ARHGAP9: variants seen among roughly 807,000 people sequenced by gnomAD.
ARHGAP9 encodes the protein Rho GTPase activating protein 9.
In ARHGAP9, 76 loss-of-function variants were observed where a neutral mutation model predicts 87.3. The observed-to-expected ratio is 0.87, with a 90% CI of 0.72 to 1.05. ARHGAP9 has a LOEUF of 1.05. ARHGAP9 is among the 50% of genes least tolerant of loss of function. The pLI, the probability that ARHGAP9 is intolerant of heterozygous loss-of-function variation, is 0.00. For missense variants in ARHGAP9, 941 were observed against 960.5 expected, an observed-to-expected ratio of 0.98 and a Z score of 0.27; for synonymous variants, 382 against 394.9, an observed-to-expected ratio of 0.97 and a Z score of 0.39.
At chr12:57,477,304 A>G (rs1348146122) in intron 4 of ARHGAP9, 35 bp from the exon 5 acceptor site, 3 of 1,530,852 alleles carry the variant, frequency 2.0e-6, no homozygotes, top group Non-Finnish European at 2.6e-6. Flanking sequence ...AGCTACATCC[A>G]GATGCCACCT....
intron 1 of ARHGAP9, chr12:57,487,223 C>T (rs935880918): frequency 1.3e-5 from 2 of 151,858 alleles, no homozygotes; most frequent in African/African-American, 4.8e-5. Flanking sequence ...GTGATCCGCC[C>T]GCCTCGACTC....
chr12:57,479,762 G>A lies in ARHGAP9; in HGVS notation c.-51C>T. The A allele has an allele frequency of 3.9e-6, 6 of 1,550,646 alleles. No individual in the cohort carries two copies. The highest frequency in any genetic ancestry group is 5.2e-6 in the Non-Finnish European group (6 of 1,146,968). On this transcript the variant is annotated 5_prime_UTR_variant, in exon 1 of 18. Coordinates refer to ENST00000393791, the MANE Select transcript of ARHGAP9 (RefSeq NM_032496.4). The stretch of plus-strand genomic sequence containing the variant: ...GGCCCATCAGAAGATTCAGGAGCAG[G>A]AGTTGGTCCTGGGTAGTGGTGGGAG...
intron 4 of ARHGAP9, 26 bp downstream of exon 4, chr12:57,477,433 T>C (rs1874166566): frequency 1.2e-6 from 2 of 1,610,838 alleles, no homozygotes; most frequent in Non-Finnish European, 1.7e-6. Flanking sequence ...GAGGGGACAG[T>C]GGAGAAGCAG....
chr12:57,477,896 T>G, intron 3 of ARHGAP9: 3 of 1,344,574 alleles, frequency 2.2e-6, no homozygotes, highest in Non-Finnish European at 2.9e-6. Flanking sequence ...CCTCACTTCC[T>G]GTTGCCAACT....
intron 17 of ARHGAP9, 23 bp downstream of exon 17, chr12:57,473,580 C>G: frequency 6.3e-7 from 1 of 1,597,044 alleles, no homozygotes; most frequent in Non-Finnish European, 8.6e-7. Flanking sequence ...CCAGCATGAA[C>G]AAAGAGGTTC....
rs202031620 is a variant in ARHGAP9 at position 57,473,677 on chromosome 12, C to T, written c.1950G>A (p.Gln650=). ...ALSESEQCLS[Q]IQELIGSMPK... ...GCATTGAGCCTATTAATTCTTGTAT[C>T]TGAGAGAGGCACTGCTCTGATTCGG... is the stretch of plus-strand genomic sequence containing the variant. The change falls in exon 17 of 18, where the codon CAG becomes CAA. Residue 650 remains glutamine (Q), a synonymous_variant. Coordinates refer to ENST00000393791, the MANE Select transcript of ARHGAP9 (RefSeq NM_032496.4). 1 of 1,613,968 alleles carries T rather than the reference C, an allele frequency of 6.2e-7. No homozygotes were observed. The highest frequency in any genetic ancestry group is 1.1e-5 in the South Asian group (1 of 91,084).
chr12:57,472,482 A>G lies in ARHGAP9; in HGVS notation c.*35T>C, dbSNP rs373508484. 9.8e-5 allele frequency: 157 copies of G among 1,607,066 alleles called. 3 individuals are homozygous for G. In the East Asian group the frequency reaches 1.6e-3, roughly 17 times the overall value. On this transcript the variant is annotated 3_prime_UTR_variant, in exon 18 of 18. Transcript: ENST00000393791. ...CACCAGCCTCTCACCACCAGAGATG[A>G]CCGGAAATATGTTTTCTCTTCTTCC...
Position 57,479,297 on chromosome 12 carries a change from C to T in ARHGAP9, c.110G>A (p.Gly37Glu), listed in dbSNP as rs374776900. 6.2e-6 allele frequency: 10 copies of T among 1,614,064 alleles called. No homozygotes were observed. The highest frequency in any genetic ancestry group is 8.5e-6 in the Non-Finnish European group (10 of 1,180,042). Reference sequence around the variant, plus strand: ...CAGAGACACCTGCTGGCCATCTGCCCCAGTATAAGTAAAGGCATAGAGGGC... The same window carrying T: ...CAGAGACACCTGCTGGCCATCTGCCTCAGTATAAGTAAAGGCATAGAGGGC... ...LCALYAFTYT[G>E]ADGQQVSLAE... The change falls in exon 2 of 18, where the codon GGG becomes GAG. Residue 37 changes from glycine (G) to glutamate (E), a missense_variant. Coordinates refer to ENST00000393791, the MANE Select transcript of ARHGAP9 (RefSeq NM_032496.4).
At position 57,474,067 on chromosome 12, in the gene ARHGAP9, C is replaced by T. The variant is rs1872732821; in HGVS notation, c.1893G>A (p.Leu631=). Reference sequence around the variant, plus strand: ...CAAGGGCAGCACGGAAATGGGGCAGCAGCAGTGGTGGCACCAGAGGCTGGG... The same window carrying T: ...CAAGGGCAGCACGGAAATGGGGCAGTAGCAGTGGTGGCACCAGAGGCTGGG... ...ELPQPLVPPL[L]LPHFRAALAL... Residue 631 remains leucine, a synonymous_variant, in exon 16 of 18, where the codon CTG becomes CTA. Coordinates refer to ENST00000393791, the MANE Select transcript of ARHGAP9 (RefSeq NM_032496.4). 1 of 1,614,006 alleles carries T rather than the reference C, an allele frequency of 6.2e-7. No homozygotes were observed. Among genetic ancestry groups the T allele is most frequent in the Non-Finnish European group, 8.5e-7 (1 of 1,179,936 alleles).
In ARHGAP9 at chr12:57,476,415, G is replaced by A. The variant is rs551295802; in HGVS notation, c.1065C>T (p.Asn355=). ...GTGGCTCTCGGTAGAACACCAGGCTGTTACCCGTTAACACCACCCAAGACG... is the reference window on the plus strand; with the variant it reads ...GTGGCTCTCGGTAGAACACCAGGCTATTACCCGTTAACACCACCCAAGACG... ...WGPSWVVLTG[N]SLVFYREPPP... Residue 355 remains asparagine, a synonymous_variant, in exon 8 of 18, where the codon AAC becomes AAT. Transcript: ENST00000393791. The A allele has an allele frequency of 9.3e-6, 15 of 1,614,116 alleles. No homozygotes were observed. In the Admixed American group the frequency reaches 2.5e-4, roughly 27 times the overall value.
intron 1 of ARHGAP9, among the ~76,000 whole-genome samples, chr12:57,486,506 G>C (rs543568053): frequency 7.7e-4 from 116 of 151,386 alleles, no homozygotes; most frequent in African/African-American, 2.7e-3. Context: ...CTGACCTCAA[G>C]TCATCTGCTC....
rs1872114089 is a variant in ARHGAP9, at chr12:57,472,360, T to A, written c.*157A>T. ...GGGTTAATCCACTCACTTTCCTCTT[T>A]AGAGAAGCTCCCTCACCCATCCCAA... On this transcript the variant is annotated 3_prime_UTR_variant, in exon 18 of 18. Coordinates refer to ENST00000393791, the MANE Select transcript of ARHGAP9 (RefSeq NM_032496.4). 1 of 906,148 alleles carries A rather than the reference T, an allele frequency of 1.1e-6. No individual in the cohort carries two copies. Among genetic ancestry groups the A allele is most frequent in the Admixed American group, 3.1e-5 (1 of 32,208 alleles). The allele number at this position is 906,148 out of a possible 1,614,324, so 56.1% of individuals were successfully genotyped here.
chr12:57,488,176 T>C lies in ARHGAP9; in HGVS notation c.-204+436A>G, dbSNP rs369180672. On this transcript the variant is annotated intron_variant, in intron 1 of 20. Transcript: ENST00000393797. ...AGAGCCCGGGGCAGAGCAGAGGTGC[T>C]CATCAGCACTGTAGGCCCGGAAGGT... The C allele has an allele frequency of 5.6e-6, 9 of 1,613,892 alleles. No homozygotes were observed. Among genetic ancestry groups the C allele is most frequent in the Non-Finnish European group, 7.6e-6 (9 of 1,179,894 alleles).
intron 3 of ARHGAP9, chr12:57,478,094 G>T: frequency 3.7e-6 from 2 of 546,118 alleles, no homozygotes; most frequent in South Asian, 2.4e-5. Context: ...AGAGGGAAGG[G>T]CTGGGCAAGT....
rs1872753783 is a variant in ARHGAP9, at chr12:57,474,134, T to A, written c.1826A>T (p.His609Leu). ...AAGCTTCAGGGCTCCGGTGACCACA[T>A]GAATGTCATCCCACTCAGTACTGTC... ...DLDSTEWDDI[H>L]VVTGALKLFL... Residue 609 changes from histidine to leucine, a missense_variant, in exon 16 of 18, where the codon CAT becomes CTT. Physicochemically the swap from His to Leu is moderately conservative, Grantham distance 99 (BLOSUM62 -3). Transcript: ENST00000393791. 1 of 1,614,154 alleles carries A rather than the reference T, an allele frequency of 6.2e-7. No homozygotes were observed. Among genetic ancestry groups the A allele is most frequent in the Non-Finnish European group, 8.5e-7 (1 of 1,180,018 alleles).
rs747912296 is a variant in ARHGAP9 at position 57,477,423 on chromosome 12, G to C, written c.756+36C>G. 4 of 1,605,574 alleles carry C rather than the reference G, an allele frequency of 2.5e-6. No homozygotes were observed. The South Asian group carries it at 4.4e-5, about 18-fold the overall frequency. ...GGTTCATCAGGGGAAGGAAGAGCTT[G>C]AGGGGACAGTGGAGAAGCAGGAGGT... On this transcript the variant is annotated intron_variant, in intron 4 of 17. Coordinates refer to ENST00000393791, the MANE Select transcript of ARHGAP9 (RefSeq NM_032496.4).
intron 1 of ARHGAP9, chr12:57,488,083 A>T (rs1462677291): frequency 6.2e-7 from 1 of 1,612,912 alleles, no homozygotes; most frequent in African/African-American, 1.3e-5. Flanking sequence ...CGAGGGATTC[A>T]CGGCGAAATG....
chr12:57,479,701 ACCTAGG>A (rs1288922953), intron 1 of ARHGAP9, 23 bp downstream of exon 1: 6 of 1,550,714 alleles, frequency 3.9e-6, no homozygotes, highest in Non-Finnish European at 5.2e-6. Flanking sequence ...AGAGGAGATG[ACCTAGG>A]CCAGTAGTTT....
chr12:57,478,227 G>T, intron 3 of ARHGAP9: 1 of 354,584 alleles, frequency 2.8e-6, no homozygotes, highest in Non-Finnish European at 5.3e-6. Context: ...CCTCCACTGC[G>T]CCCTGTGCCC....
Sources: allele counts gnomAD v4.1 joint callset (sites outside exome capture counted in the v4.1 genomes callset), GRCh38; gene constraint gnomAD v4.1.1; transcripts MANE v1.5; gene names NCBI Gene and HGNC (gene_info 2026-07-23, HGNC 2026-07-21).